The following PLEKHA6 variants were observed in gnomAD, a reference collection of about 807,000 sequenced individuals.
The protein encoded by PLEKHA6 is pleckstrin homology domain containing A6, also known as pleckstrin homology domain-containing family A member 6.
A neutral mutation model predicts 116.7 loss-of-function variants in PLEKHA6; 60 were observed. The ratio of observed to expected loss-of-function variants is 0.51; its 90% CI spans 0.42 to 0.64. The LOEUF (loss-of-function observed/expected upper bound fraction) is 0.64. PLEKHA6 is among the 30% of genes least tolerant of loss of function. PLEKHA6 has a pLI of 0.00. For synonymous variants in PLEKHA6, 489 were observed against 556.1 expected (o/e 0.88, Z 1.70); for missense variants, 1,338 against 1,422.7 (o/e 0.94, Z 0.96).
At chr1:204,227,193 T>A (rs1260098391) in intron 21 of PLEKHA6, among the ~76,000 whole-genome samples, 1 of 152,222 alleles carries the variant, frequency 6.6e-6, no homozygotes, top group African/African-American at 2.4e-5. Context: ...CCTGCACACC[T>A]GCTCTAGCTT....
At chr1:204,298,486 T>C (rs1313182652) in intron 1 of PLEKHA6, among the ~76,000 whole-genome samples, 1 of 152,174 alleles carries the variant, frequency 6.6e-6, no homozygotes, top group Non-Finnish European at 1.5e-5. Flanking sequence ...TTTCTGCACA[T>C]GGAGAATGGC....
At chr1:204,292,899 G>C (rs981876180) in intron 1 of PLEKHA6, among the ~76,000 whole-genome samples, 26 of 63,864 alleles carry the variant, frequency 4.1e-4, no homozygotes, top group African/African-American at 1.7e-3. Flanking sequence ...GAAGCAGCTG[G>C]AAGCTGTTAG....
At chr1:204,348,046 T>C (rs1673132514) in intron 1 of PLEKHA6, among the ~76,000 whole-genome samples, 1 of 152,148 alleles carries the variant, frequency 6.6e-6, no homozygotes, top group Non-Finnish European at 1.5e-5. Context: ...TTCAGCGGAA[T>C]TCCTAGTCGC....
chr1:204,244,832 C>G (rs1263917923), intron 15 of PLEKHA6, 32 bp downstream of exon 15: 7 of 1,507,190 alleles, frequency 4.6e-6, no homozygotes, highest in Non-Finnish European at 6.2e-6. Context: ...CCTCCCTCCC[C>G]CACCTACCTT....
chr1:204,375,557 T>G (rs2942147), intron 1 of PLEKHA6, among the ~76,000 whole-genome samples: 40,040 of 151,874 alleles, frequency 0.26, 6,414 homozygotes, highest in East Asian at 0.55. Flanking sequence ...CTCCTGGACT[T>G]TTGCAATTGT....
At chr1:204,267,655 T>C in intron 4 of PLEKHA6, 108 bp from the exon 5 acceptor site, 3 of 908,268 alleles carry the variant, frequency 3.3e-6, no homozygotes, top group South Asian at 2.8e-5. Flanking sequence ...ATCCTGGCCC[T>C]AGCTGCGGCT....
chr1:204,260,088 C>G (rs1014106073), intron 7 of PLEKHA6, among the ~76,000 whole-genome samples: 3 of 152,182 alleles, frequency 2.0e-5, no homozygotes, highest in Non-Finnish European at 4.4e-5. Flanking sequence ...TCTTGGTCCT[C>G]TCTGCGATCT....
At chr1:204,263,140 C>T (rs914594950) in intron 6 of PLEKHA6, among the ~76,000 whole-genome samples, 6 of 152,080 alleles carry the variant, frequency 3.9e-5, no homozygotes, top group African/African-American at 7.2e-5. Context: ...AAACATGCCG[C>T]GGGAAACAAG....
intron 1 of PLEKHA6, among the ~76,000 whole-genome samples, chr1:204,326,402 A>G (rs1282494074): frequency 6.6e-6 from 1 of 152,142 alleles, no homozygotes; most frequent in East Asian, 1.9e-4. Context: ...GACAATCGAG[A>G]CCCATATTCA....
At chr1:204,241,308 G>T (rs948077318) in intron 17 of PLEKHA6, 67 bp downstream of exon 17, 3 of 942,172 alleles carry the variant, frequency 3.2e-6, no homozygotes, top group Middle Eastern at 2.6e-4. Flanking sequence ...GAGATGAGTA[G>T]GTACACACAC....
At chr1:204,358,237 G>A (rs1040961679) in intron 1 of PLEKHA6, among the ~76,000 whole-genome samples, 82 of 152,258 alleles carry the variant, frequency 5.4e-4, no homozygotes, top group African/African-American at 1.6e-3. Context: ...ACAGAAACTC[G>A]CTTGTTTCCA....
intron 1 of PLEKHA6, among the ~76,000 whole-genome samples, chr1:204,299,411 A>C (rs1274998445): frequency 6.6e-6 from 1 of 152,188 alleles, no homozygotes; most frequent in Admixed American, 6.5e-5. Context: ...CCCAGTGCAG[A>C]AGAGCCCCTG....
chr1:204,359,274 C>T (rs1056110171), intron 1 of PLEKHA6, among the ~76,000 whole-genome samples: 1 of 151,996 alleles, frequency 6.6e-6, no homozygotes, highest in East Asian at 1.9e-4. Context: ...GTCCCTGGGG[C>T]TGACCTGAGC....
chr1:204,366,704 T>C (rs993330520), intron 3 of PLEKHA6, among the ~76,000 whole-genome samples: 3 of 152,136 alleles, frequency 2.0e-5, no homozygotes, highest in Non-Finnish European at 4.4e-5. Flanking sequence ...GAAATTGCAG[T>C]GAACTGAGAT....
chr1:204,232,844 C>A (rs1661388105), intron 17 of PLEKHA6, among the ~76,000 whole-genome samples: 1 of 152,164 alleles, frequency 6.6e-6, no homozygotes, highest in Non-Finnish European at 1.5e-5. Flanking sequence ...ATTCTCAGGC[C>A]TTGAAACCTA....
intron 1 of PLEKHA6, chr1:204,301,418 G>T: frequency 1.0e-6 from 1 of 985,348 alleles, no homozygotes; most frequent in South Asian, 4.7e-5. Flanking sequence ...TTTCTACGCT[G>T]AATAGAGCTG....
intron 17 of PLEKHA6, among the ~76,000 whole-genome samples, chr1:204,236,466 C>T (rs993309476): frequency 7.2e-5 from 11 of 152,172 alleles, no homozygotes; most frequent in Admixed American, 3.3e-4. Context: ...GTGAGGGCAG[C>T]ACTTGCATCT....
intron 6 of PLEKHA6, 116 bp downstream of exon 6, chr1:204,264,826 C>A: frequency 2.5e-6 from 2 of 798,714 alleles, no homozygotes; most frequent in Non-Finnish European, 4.4e-6. Context: ...ACTGCTATGG[C>A]CACCACCACC....
chr1:204,315,898 A>T (rs1671839495), intron 1 of PLEKHA6, among the ~76,000 whole-genome samples: 1 of 152,198 alleles, frequency 6.6e-6, no homozygotes, highest in Admixed American at 6.5e-5. Context: ...AGGAGACGGG[A>T]GATTACTGGG....
Sources: allele counts gnomAD v4.1 joint callset (sites outside exome capture counted in the v4.1 genomes callset), GRCh38; gene constraint gnomAD v4.1.1; transcripts MANE v1.5; gene names NCBI Gene and HGNC (gene_info 2026-07-23, HGNC 2026-07-21).